The following CNIH3 variants were observed in gnomAD, a reference collection of about 807,000 sequenced individuals.
CNIH3 encodes protein cornichon homolog 3.
CNIH3 carries 14 observed loss-of-function variants against 24.1 expected under a neutral mutation model. The observed-to-expected ratio is 0.58, with a 90% CI of 0.38 to 0.91. CNIH3 has a LOEUF of 0.91. Ranked by LOEUF, CNIH3 falls within the 40% of genes least tolerant of loss-of-function variation. The pLI is 0.00. For synonymous variants in CNIH3, 68 were observed against 73.8 expected (o/e 0.92, Z 0.40); for missense variants, 178 against 196.8 (o/e 0.90, Z 0.57).
At chr1:224,523,098 G>T (rs1678705640) in intron 2 of CNIH3, among the ~76,000 whole-genome samples, 1 of 152,048 alleles carries the variant, frequency 6.6e-6, no homozygotes, top group Non-Finnish European at 1.5e-5. Flanking sequence ...AATTAGATGA[G>T]CATGGTACTG....
At chr1:224,586,764 A>G (rs1009538674) in intron 5 of CNIH3, among the ~76,000 whole-genome samples, 2 of 152,188 alleles carry the variant, frequency 1.3e-5, no homozygotes, top group Non-Finnish European at 2.9e-5. Flanking sequence ...GTAGGCCCTA[A>G]ATCCAATGAC....
intron 3 of CNIH3, among the ~76,000 whole-genome samples, chr1:224,702,484 A>T (rs542338191): frequency 6.6e-6 from 1 of 152,338 alleles, no homozygotes; most frequent in East Asian, 1.9e-4. Flanking sequence ...GTTTCCCCAC[A>T]CCAGCGTCAC....
intron 1 of CNIH3, among the ~76,000 whole-genome samples, chr1:224,678,859 A>G (rs1421909564): frequency 6.6e-6 from 1 of 152,118 alleles, no homozygotes; most frequent in Non-Finnish European, 1.5e-5. Context: ...AGTGGAGAGG[A>G]TAGCTCTAGA....
At chr1:224,494,126 T>C (rs907083315) in intron 1 of CNIH3, among the ~76,000 whole-genome samples, 9 of 152,222 alleles carry the variant, frequency 5.9e-5, no homozygotes, top group Non-Finnish European at 1.2e-4. Context: ...AGATGTCAGG[T>C]CAAAAGCTGT....
chr1:224,464,444 T>C (rs140853550), intron 1 of CNIH3, among the ~76,000 whole-genome samples: 3 of 152,348 alleles, frequency 2.0e-5, no homozygotes, highest in African/African-American at 7.2e-5. Flanking sequence ...TAGTTTAATT[T>C]TTGAATAGGT....
rs1358797495 is a variant in CNIH3 at position 224,703,214 on chromosome 1, CTG to C, written c.198+18374_198+18375del. On this transcript the variant is annotated intron_variant, in intron 3 of 5. Coordinates refer to ENST00000272133, the MANE Select transcript of CNIH3 (RefSeq NM_152495.2). The surrounding 1 kb of genome is among the most constrained non-coding windows in gnomAD (Gnocchi z 4.2). ...TTTTGAGGAGCCAGTGACCTAGTGT[CTG>C]TGCATCCCACGTGGGCCTGCACTCA... 1.3e-5 allele frequency among the ~76,000 whole-genome samples: 2 copies of C among 152,292 alleles called. No individual in the cohort carries two copies. The highest frequency in any genetic ancestry group is 1.3e-4 in the Admixed American group (2 of 15,294).
At chr1:224,435,601 A>T (rs998921833) in intron 1 of CNIH3, 6 of 152,252 alleles carry the variant, frequency 3.9e-5, no homozygotes, top group Admixed American at 3.3e-4. Context: ...GAGCAGTAAC[A>T]TAAACCAAAC....
chr1:224,465,767 C>A (rs563791422), intron 1 of CNIH3, among the ~76,000 whole-genome samples: 2 of 152,312 alleles, frequency 1.3e-5, no homozygotes, highest in South Asian at 2.1e-4. Context: ...GTGGCTCACG[C>A]CTGTAACCAC....
rs541123246 is a variant in CNIH3 at position 224,437,746 on chromosome 1, C to G, written n.203+2884C>G. Among the ~76,000 whole-genome samples, 7 of 152,290 alleles carry G rather than the reference C, an allele frequency of 4.6e-5. No individual in the cohort carries two copies. In the South Asian group the frequency reaches 1.5e-3, roughly 32 times the overall value. On this transcript the variant is annotated intron_variant and non_coding_transcript_variant, in intron 1 of 5. Transcript: ENST00000471578. ...TTTTGTGAAATTTTTGTTTCAATGACAGACACATGTCTATGCTTTACAAAG... is the reference window on the plus strand; with the variant it reads ...TTTTGTGAAATTTTTGTTTCAATGAGAGACACATGTCTATGCTTTACAAAG...
chr1:224,469,159 C>T (rs1355037112), intron 1 of CNIH3, among the ~76,000 whole-genome samples: 1 of 152,086 alleles, frequency 6.6e-6, no homozygotes, highest in Non-Finnish European at 1.5e-5. Context: ...TGGCTCACTG[C>T]AGCCTTTACT....
At chr1:224,579,639 T>A (rs1681187991) in intron 4 of CNIH3, among the ~76,000 whole-genome samples, 1 of 152,108 alleles carries the variant, frequency 6.6e-6, no homozygotes, top group Admixed American at 6.6e-5. Context: ...ATGGGAGATG[T>A]TTGGGTCATG....
intron 3 of CNIH3, among the ~76,000 whole-genome samples, chr1:224,554,128 T>C (rs1680039599): frequency 1.3e-5 from 2 of 152,176 alleles, no homozygotes; most frequent in Admixed American, 1.3e-4. Context: ...AGATTTCTAT[T>C]AATAGCTCTA....
chr1:224,471,593 C>CTTT (rs771939815), intron 1 of CNIH3, among the ~76,000 whole-genome samples: 1 of 142,308 alleles, frequency 7.0e-6, no homozygotes, highest in Admixed American at 7.0e-5. Flanking sequence ...CTCATTCTCT[C>CTTT]TTTTTTTTTT....
chr1:224,527,261 T>G (rs551206822), intron 2 of CNIH3, among the ~76,000 whole-genome samples: 3 of 152,346 alleles, frequency 2.0e-5, no homozygotes, highest in African/African-American at 7.2e-5. Flanking sequence ...GGCTCTAGCC[T>G]GCTGTCAATC....
At chr1:224,536,048 T>G (rs1321653189) in intron 2 of CNIH3, among the ~76,000 whole-genome samples, 2 of 152,254 alleles carry the variant, frequency 1.3e-5, no homozygotes, top group East Asian at 3.9e-4. Context: ...TCGGCCTCCC[T>G]GGGGTGCAAA....
intron 4 of CNIH3, among the ~76,000 whole-genome samples, chr1:224,580,988 G>A (rs544508578): frequency 1.3e-4 from 20 of 152,290 alleles, no homozygotes; most frequent in African/African-American, 4.3e-4. Context: ...AGGATAGGCT[G>A]TTAATTTACA....
chr1:224,533,419 A>G (rs1218412497), intron 2 of CNIH3, among the ~76,000 whole-genome samples: 1 of 151,252 alleles, frequency 6.6e-6, no homozygotes, highest in Non-Finnish European at 1.5e-5. Context: ...GAGAGAGGAC[A>G]GTCTGGCTGA....
intron 1 of CNIH3, among the ~76,000 whole-genome samples, chr1:224,650,912 G>C (rs1407250150): frequency 1.3e-5 from 2 of 152,162 alleles, no homozygotes; most frequent in Admixed American, 6.5e-5. Context: ...AATGAGCTGA[G>C]TACAGAGCCC....
At chr1:224,452,568 T>G (rs1572267691) in intron 1 of CNIH3, among the ~76,000 whole-genome samples, 1 of 146,980 alleles carries the variant, frequency 6.8e-6, no homozygotes. Context: ...GATCACAAGG[T>G]CAGGAGATTG....
Sources: allele counts gnomAD v4.1 joint callset (sites outside exome capture counted in the v4.1 genomes callset), GRCh38; gene constraint gnomAD v4.1.1; non-coding constraint Gnocchi (gnomAD v3.1); transcripts MANE v1.5; gene names NCBI Gene and HGNC (gene_info 2026-07-23, HGNC 2026-07-21).